Variants in NALF1 observed in about 807,000 individuals in gnomAD.
NALF1 encodes family with sequence similarity 155 member A.
A neutral mutation model predicts 48.4 loss-of-function variants in NALF1; 3 were observed. The observed-to-expected ratio is 0.06, with a 90% CI of 0.03 to 0.16. The LOEUF is 0.16. Ranked by LOEUF, NALF1 falls within the 10% of genes least tolerant of loss-of-function variation. The pLI is 1.00. For missense variants in NALF1, 526 were observed against 571.5 expected (o/e 0.92, Z 0.81); for synonymous variants, 262 against 245.7 (o/e 1.07, Z -0.62).
chr13:107,480,785 C>T (rs1184862948), intron 1 of NALF1, among the ~76,000 whole-genome samples: 2 of 152,048 alleles, frequency 1.3e-5, no homozygotes, highest in Non-Finnish European at 2.9e-5. Context: ...TTGTAGAACA[C>T]AGATAAAGTT....
chr13:107,226,913 G>A (rs1378591296), intron 1 of NALF1, among the ~76,000 whole-genome samples: 1 of 152,122 alleles, frequency 6.6e-6, no homozygotes, highest in Non-Finnish European at 1.5e-5. Context: ...GAACTGATGC[G>A]CCCAGACATT....
chr13:107,799,029 T>G (rs1878521168), intron 1 of NALF1, among the ~76,000 whole-genome samples: 1 of 152,162 alleles, frequency 6.6e-6, no homozygotes, highest in South Asian at 2.1e-4. Flanking sequence ...ATAATACAAG[T>G]CCTGTGACCC....
intron 1 of NALF1, among the ~76,000 whole-genome samples, chr13:107,433,411 G>A (rs1566340408): frequency 6.6e-6 from 1 of 152,032 alleles, no homozygotes; most frequent in Non-Finnish European, 1.5e-5. Context: ...GGTTTCTAGG[G>A]TGATTGCCCA....
intron 1 of NALF1, among the ~76,000 whole-genome samples, chr13:107,248,429 C>T (rs9520342): frequency 0.2 from 29,631 of 151,476 alleles, 3,555 homozygotes; most frequent in South Asian, 0.42. Context: ...GTAAACAACA[C>T]CTGAAAGTAA....
intron 1 of NALF1, among the ~76,000 whole-genome samples, chr13:107,736,621 T>A (rs896544302): frequency 6.6e-6 from 1 of 152,218 alleles, no homozygotes; most frequent in Admixed American, 6.5e-5. Flanking sequence ...TTGGGTGTTA[T>A]ATTAGCATTC....
intron 1 of NALF1, among the ~76,000 whole-genome samples, chr13:107,304,313 G>T (rs1302737938): frequency 6.6e-6 from 1 of 152,150 alleles, no homozygotes; most frequent in Non-Finnish European, 1.5e-5. Context: ...AACTTTAAAA[G>T]ATTTAGTTTT....
chr13:107,733,434 C>T (rs1368731006), intron 1 of NALF1, among the ~76,000 whole-genome samples: 2 of 152,112 alleles, frequency 1.3e-5, no homozygotes, highest in Non-Finnish European at 2.9e-5. Context: ...AGTTATTTTT[C>T]TTCTTTTGGA....
chr13:107,514,757 T>C (rs546220766), intron 1 of NALF1, among the ~76,000 whole-genome samples: 1 of 152,276 alleles, frequency 6.6e-6, no homozygotes, highest in African/African-American at 2.4e-5. Flanking sequence ...AAGTAAATGG[T>C]AGAGCCTGGT....
At chr13:107,522,765 G>C (rs1030333958) in intron 1 of NALF1, among the ~76,000 whole-genome samples, 1 of 151,582 alleles carries the variant, frequency 6.6e-6, no homozygotes, top group Non-Finnish European at 1.5e-5. Context: ...CACCATGCTC[G>C]ACTAATTTTT....
chr13:107,756,435 C>CTATATATATATACATATATATATA (rs1877095087), intron 1 of NALF1, among the ~76,000 whole-genome samples: 1 of 141,056 alleles, frequency 7.1e-6, no homozygotes, highest in African/African-American at 2.7e-5. Context: ...AGTTTAATGG[C>CTATATATATATACATATATATATA]TATATATATA....
chr13:107,355,915 A>G (rs1882955157), intron 1 of NALF1, among the ~76,000 whole-genome samples: 1 of 152,206 alleles, frequency 6.6e-6, no homozygotes, highest in African/African-American at 2.4e-5. Flanking sequence ...ATCTGTTCTC[A>G]AGCAGGGTAT....
At chr13:107,732,632 G>A (rs912111150) in intron 1 of NALF1, among the ~76,000 whole-genome samples, 1 of 152,146 alleles carries the variant, frequency 6.6e-6, no homozygotes, top group Non-Finnish European at 1.5e-5. Context: ...TAGGGCATAT[G>A]TGTCATGAAA....
chr13:107,528,101 TTAAA>T (rs1361993522), intron 1 of NALF1, among the ~76,000 whole-genome samples: 5 of 152,124 alleles, frequency 3.3e-5, no homozygotes, highest in Non-Finnish European at 7.4e-5. Context: ...ATAAACATGC[TTAAA>T]TAGTCAATTA....
intron 1 of NALF1, among the ~76,000 whole-genome samples, chr13:107,556,296 T>TATATACAC (rs1181358439): frequency 2.0e-5 from 2 of 98,578 alleles, no homozygotes; most frequent in African/African-American, 7.5e-5. Context: ...TATATATATA[T>TATATACAC]ACACACACAC....
chr13:107,431,585 C>G (rs1232605897), intron 1 of NALF1, among the ~76,000 whole-genome samples: 1 of 152,190 alleles, frequency 6.6e-6, no homozygotes, highest in Non-Finnish European at 1.5e-5. Flanking sequence ...TGCAAGAGTG[C>G]CATCACCAGT....
At chr13:107,361,618 G>A (rs1594137049) in intron 1 of NALF1, among the ~76,000 whole-genome samples, 2 of 152,336 alleles carry the variant, frequency 1.3e-5, no homozygotes, top group Admixed American at 1.3e-4. Flanking sequence ...CCCATCAGAA[G>A]ATGGTGCAGC....
At chr13:107,209,188 T>C (rs1879706130) in intron 2 of NALF1, among the ~76,000 whole-genome samples, 2 of 152,102 alleles carry the variant, frequency 1.3e-5, no homozygotes, top group South Asian at 4.1e-4. Flanking sequence ...ACGTGTTCTT[T>C]CCACAAGCTT....
At chr13:107,481,859 G>A (rs1195476115) in intron 1 of NALF1, among the ~76,000 whole-genome samples, 1 of 152,110 alleles carries the variant, frequency 6.6e-6, no homozygotes, top group African/African-American at 2.4e-5. Context: ...GTTTTTACCC[G>A]ATCAAGGCAT....
intron 1 of NALF1, among the ~76,000 whole-genome samples, chr13:107,587,958 T>A (rs1225359233): frequency 6.6e-6 from 1 of 152,110 alleles, no homozygotes; most frequent in Non-Finnish European, 1.5e-5. Flanking sequence ...TGAACAAATG[T>A]GTGCATGGAA....
Sources: gnomAD v4.1 joint callset for allele counts (sites outside exome capture counted in the v4.1 genomes callset) on GRCh38, gnomAD v4.1.1 for gene constraint, MANE v1.5 for transcripts, NCBI Gene and HGNC (gene_info 2026-07-23, HGNC 2026-07-21) for gene names.